SLC22A25: variants seen among roughly 807,000 people sequenced by gnomAD.
The protein encoded by SLC22A25 is MGI:2442751, MGI:2385316, MGI:3042283, MGI:3645714, MGI:3605624, MGI:2442750.
In SLC22A25, 44 loss-of-function variants were observed where a neutral mutation model predicts 45.9. That is an observed-to-expected ratio of 0.96 (90% confidence interval 0.75 to 1.23). SLC22A25 has a LOEUF of 1.23. Ranked by LOEUF, SLC22A25 falls within the 50% of genes most tolerant of loss-of-function variation. The pLI is 0.00. For synonymous variants in SLC22A25, 283 were observed against 238.6 expected, an observed-to-expected ratio of 1.19 and a Z score of -1.72; for missense variants, 800 against 666.4, an observed-to-expected ratio of 1.20 and a Z score of -2.21.
chr11:63,164,395 T>C (rs936144199), intron 11 of SLC22A25, 131 bp downstream of exon 11: 2 of 841,728 alleles, frequency 2.4e-6, no homozygotes, highest in African/African-American at 3.4e-5. Context: ...GGCTGTAATT[T>C]GTTGTTTTTA....
chr11:63,167,264 GC>G (rs371063709), intron 9 of SLC22A25: 1 of 142,228 alleles, frequency 7.0e-6, no homozygotes, highest in East Asian at 2.3e-4. Flanking sequence ...TGAGCTAGCT[GC>G]AGGAGTTTTT....
chr11:63,222,601 G>T (rs1385093510), intron 5 of SLC22A25, among the ~76,000 whole-genome samples: 5 of 151,922 alleles, frequency 3.3e-5, no homozygotes, highest in African/African-American at 1.2e-4. Flanking sequence ...TTCCAGTTGG[G>T]TGCTATTTAT....
chr11:63,210,489 A>G (rs2089527798), intron 7 of SLC22A25, among the ~76,000 whole-genome samples: 1 of 152,172 alleles, frequency 6.6e-6, no homozygotes, highest in Non-Finnish European at 1.5e-5. Flanking sequence ...TGGAAAGATG[A>G]GTGCCCCGAA....
At chr11:63,222,384 T>G (rs2089872606) in intron 5 of SLC22A25, among the ~76,000 whole-genome samples, 2 of 152,106 alleles carry the variant, frequency 1.3e-5, no homozygotes, top group Non-Finnish European at 2.9e-5. Context: ...TTTGTCACTA[T>G]TGTAAATGGG....
chr11:63,232,068 A>G (rs1191155490), intron 3 of SLC22A25, among the ~76,000 whole-genome samples: 2 of 152,172 alleles, frequency 1.3e-5, no homozygotes, highest in Non-Finnish European at 2.9e-5. Context: ...AGGTAGCGTG[A>G]TGCTTCCAGC....
Position 63,163,310 on chromosome 11 carries a change from T to C in SLC22A25, c.*514A>G, listed in dbSNP as rs1322363755. Among the ~76,000 whole-genome samples the C allele has an allele frequency of 1.3e-5, 2 of 152,180 alleles. No individual in the cohort carries two copies. Among genetic ancestry groups the C allele is most frequent in the East Asian group, 1.9e-4 (1 of 5,194 alleles). ...AAATTCCTTTACTTATCACTTCTTT[T>C]CCCCTTTTCCAACGCTTTTTTTCCC... On this transcript the variant is annotated 3_prime_UTR_variant, in exon 12 of 12. Coordinates refer to ENST00000306494, the MANE Select transcript of SLC22A25 (RefSeq NM_199352.6).
intron 7 of SLC22A25, among the ~76,000 whole-genome samples, chr11:63,207,862 T>C (rs1049090203): frequency 2.0e-5 from 3 of 152,216 alleles, no homozygotes; most frequent in South Asian, 2.1e-4. Flanking sequence ...ATTAATTGAA[T>C]AACTGTCTTT....
At chr11:63,175,198 C>T (rs960230728) in intron 9 of SLC22A25, among the ~76,000 whole-genome samples, 1 of 152,094 alleles carries the variant, frequency 6.6e-6, no homozygotes, top group Non-Finnish European at 1.5e-5. Flanking sequence ...TCCATAGGGG[C>T]TATACTATTT....
chr11:63,232,440 C>T (rs922045317), intron 3 of SLC22A25, among the ~76,000 whole-genome samples: 4 of 151,928 alleles, frequency 2.6e-5, no homozygotes, highest in African/African-American at 9.7e-5. Context: ...TGTTTGTCTG[C>T]TATTGGTGTA....
chr11:63,224,894 T>G (rs1021305413), intron 5 of SLC22A25, among the ~76,000 whole-genome samples: 28 of 152,092 alleles, frequency 1.8e-4, no homozygotes, highest in African/African-American at 6.3e-4. Context: ...GGTCAGGAGA[T>G]GGAGACCATC....
At position 63,164,547 on chromosome 11, in the gene SLC22A25, T is replaced by G; in HGVS notation, c.1373A>C (p.Glu458Ala). 1 of 1,613,776 alleles carries G rather than the reference T, an allele frequency of 6.2e-7. No individual in the cohort carries two copies. Among genetic ancestry groups the G allele is most frequent in the Non-Finnish European group, 8.5e-7 (1 of 1,179,778 alleles). Residue 458 changes from glutamate to alanine, a missense_variant, in exon 11 of 12, where the codon GAA becomes GCA. Physicochemically the swap from Glu to Ala is moderately radical, Grantham distance 107. Coordinates refer to ENST00000306494, the MANE Select transcript of SLC22A25 (RefSeq NM_199352.6). The part of the protein sequence containing the change: ...GITCSTAQEN[E>A]LIPSIIRGRA... ...GTACCTGATTATGGAAGGAATTAGT[T>G]CATTTTCTTGGGCAGTAGAACAGGT...
intron 8 of SLC22A25, among the ~76,000 whole-genome samples, chr11:63,181,981 C>T (rs1348849735): frequency 6.6e-6 from 1 of 151,978 alleles, no homozygotes; most frequent in Non-Finnish European, 1.5e-5. Context: ...AACTCGCTGA[C>T]CACTAAAATT....
rs757998633 is a variant in SLC22A25 at position 63,164,044 on chromosome 11, A to T, written c.1424T>A (p.Phe475Tyr). ...RGRATGITGNFANIGGALASL... is the reference protein window; with the variant it reads ...RGRATGITGNYANIGGALASL... The stretch of plus-strand genomic sequence containing the variant: ...AGCCAGGGCTCCCCCAATATTAGCA[A>T]AGTTTCCAGTGATTCCAGTAGCTCT... Residue 475 changes from phenylalanine to tyrosine, a missense_variant, in exon 12 of 12, where the codon TTT becomes TAT. Physicochemically the swap from Phe to Tyr is conservative, Grantham distance 22 (BLOSUM62 3). Transcript: ENST00000306494. 5 of 1,608,436 alleles carry T rather than the reference A, an allele frequency of 3.1e-6. No individual in the cohort carries two copies. In the African/African-American group the frequency reaches 5.4e-5, roughly 17 times the overall value.
At chr11:63,183,843 C>T (rs1425155964) in intron 7 of SLC22A25, 26 bp from the exon 8 acceptor site, 1 of 1,611,732 alleles carries the variant, frequency 6.2e-7, no homozygotes, top group Non-Finnish European at 8.5e-7. Context: ...GACAGAGGTG[C>T]AGCCAACCAC....
At chr11:63,213,430 A>G (rs1590879083) in intron 7 of SLC22A25, among the ~76,000 whole-genome samples, 1 of 152,116 alleles carries the variant, frequency 6.6e-6, no homozygotes, top group Admixed American at 6.5e-5. Flanking sequence ...AGCTTACTGG[A>G]CCTTCATGGC....
chr11:63,231,498 C>A (rs896315149), intron 3 of SLC22A25, among the ~76,000 whole-genome samples: 2 of 150,804 alleles, frequency 1.3e-5, no homozygotes, highest in African/African-American at 2.4e-5. Flanking sequence ...TGATGGGGTT[C>A]TTTTTTTCTT....
chr11:63,189,500 T>TC (rs2088709213), intron 7 of SLC22A25, among the ~76,000 whole-genome samples: 1 of 152,246 alleles, frequency 6.6e-6, no homozygotes, highest in Non-Finnish European at 1.5e-5. Context: ...CTTTAAACAA[T>TC]TTGCCAGTCT....
intron 3 of SLC22A25, among the ~76,000 whole-genome samples, chr11:63,236,361 C>A (rs1309074889): frequency 6.6e-6 from 1 of 152,202 alleles, no homozygotes; most frequent in African/African-American, 2.4e-5. Flanking sequence ...CCTCCCCCAG[C>A]CTTGCTGCCA....
intron 8 of SLC22A25, among the ~76,000 whole-genome samples, chr11:63,182,107 C>T (rs749029976): frequency 4.0e-5 from 6 of 151,898 alleles, no homozygotes; most frequent in Non-Finnish European, 8.8e-5. Flanking sequence ...GGAATAAGAC[C>T]ACACACATAT....
Sources: gnomAD v4.1 joint callset for allele counts (sites outside exome capture counted in the v4.1 genomes callset) on GRCh38, gnomAD v4.1.1 for gene constraint, MANE v1.5 for transcripts, NCBI Gene and HGNC (gene_info 2026-07-23, HGNC 2026-07-21) for gene names.